SLC5A1: variants seen among roughly 807,000 people sequenced by gnomAD.
SLC5A1 encodes the protein solute carrier family 5 member 1, also known as sodium/glucose cotransporter 1.
Under a neutral mutation model 73.5 loss-of-function variants are expected in SLC5A1, and 42 were observed. The ratio of observed to expected loss-of-function variants is 0.57; its 90% CI spans 0.45 to 0.74. The LOEUF (loss-of-function observed/expected upper bound fraction) is 0.74. Ranked by LOEUF, SLC5A1 falls within the 30% of genes least tolerant of loss-of-function variation. The pLI is 0.00. For synonymous variants in SLC5A1, 300 were observed against 317.4 expected (o/e 0.95, Z 0.58); for missense variants, 634 against 855.4 (o/e 0.74, Z 3.23).
chr22:32,103,069 T>C (rs563429053), intron 13 of SLC5A1, among the ~76,000 whole-genome samples: 2 of 152,328 alleles, frequency 1.3e-5, no homozygotes, highest in East Asian at 3.9e-4. Flanking sequence ...CTGGTTTACT[T>C]TCTTTTGAAT....
chr22:32,076,605 C>T (rs1397603029), intron 5 of SLC5A1, among the ~76,000 whole-genome samples: 3 of 152,188 alleles, frequency 2.0e-5, no homozygotes, highest in South Asian at 2.1e-4. Context: ...TTTGAATGCT[C>T]ATTCCCAGGG....
At chr22:32,064,548 G>T (rs758300591) in intron 2 of SLC5A1, among the ~76,000 whole-genome samples, 12 of 151,740 alleles carry the variant, frequency 7.9e-5, no homozygotes, top group Non-Finnish European at 1.3e-4. Flanking sequence ...TGAGCAGAAG[G>T]AGGTAGATGT....
At position 32,043,597 on chromosome 22, in the gene SLC5A1, C is replaced by T. The variant is rs2093933191; in HGVS notation, c.135+181C>T. On this transcript the variant is annotated intron_variant, in intron 1 of 14. Transcript: ENST00000266088. The surrounding 1 kb of genome is among the most constrained non-coding windows in gnomAD (Gnocchi z 6.5). ...AGGGAGGAGGGCAAGCAAGGATGAG[C>T]AGAAGTGAGAAGGGTGCCCAGGGCA... 6.6e-6 allele frequency among the ~76,000 whole-genome samples: 1 copy of T among 151,994 alleles called. No homozygotes were observed. The highest frequency in any genetic ancestry group is 2.4e-5 in the African/African-American group (1 of 41,388).
At position 32,112,687 on chromosome 22, in the gene SLC5A1, C is replaced by T. The variant is rs1381536622; in HGVS notation, c.*2474C>T. The T allele has an allele frequency of 1.3e-5, 2 of 151,702 alleles. No homozygotes were observed. The highest frequency in any genetic ancestry group is 2.9e-5 in the Non-Finnish European group (2 of 67,914). The allele number at this position is 151,702 out of a possible 1,614,324, so 9.4% of individuals were successfully genotyped here. A position where few individuals can be genotyped will look rare whatever the true frequency, so the allele number is the denominator to read the frequency against. On this transcript the variant is annotated 3_prime_UTR_variant, in exon 15 of 15. Transcript: ENST00000266088. Reference sequence around the variant, plus strand: ...ACTGATATGTAGAATCTTAAAAAGTCAAACTCAGAAGCAGAGAGTAGAATG... The same window carrying T: ...ACTGATATGTAGAATCTTAAAAAGTTAAACTCAGAAGCAGAGAGTAGAATG...
chr22:32,060,150 C>T (rs56241498), intron 2 of SLC5A1, among the ~76,000 whole-genome samples: 5,996 of 29,790 alleles, frequency 0.2, 295 homozygotes, highest in Middle Eastern at 0.26. Context: ...CACATACACA[C>T]ACACACACAC....
intron 2 of SLC5A1, among the ~76,000 whole-genome samples, chr22:32,051,635 GA>G (rs2093945202): frequency 6.6e-6 from 1 of 152,052 alleles, no homozygotes; most frequent in Admixed American, 6.6e-5. Flanking sequence ...CAGCCTGGGG[GA>G]CAGAGTGAGA....
chr22:32,087,105 G>T (rs564487335), intron 10 of SLC5A1, among the ~76,000 whole-genome samples: 83 of 152,214 alleles, frequency 5.5e-4, no homozygotes, highest in Non-Finnish European at 1.1e-3. Context: ...GGTTGGGGTG[G>T]GGATCTGGGA....
intron 2 of SLC5A1, among the ~76,000 whole-genome samples, chr22:32,062,772 C>T (rs1041847490): frequency 9.2e-5 from 14 of 152,080 alleles, no homozygotes; most frequent in Non-Finnish European, 1.3e-4. Flanking sequence ...GCATGATGAA[C>T]GCATTGTTGG....
chr22:32,083,148 G>A lies in SLC5A1; in HGVS notation c.658G>A (p.Gly220Arg). 6.2e-7 allele frequency: 1 copy of A among 1,614,062 alleles called. No homozygotes were observed. Among genetic ancestry groups the A allele is most frequent in the Non-Finnish European group, 8.5e-7 (1 of 1,179,946 alleles). Residue 220 changes from glycine to arginine, a missense_variant, in exon 7 of 15, where the codon GGG becomes AGG. Physicochemically the swap from Gly to Arg is moderately radical, Grantham distance 125 (BLOSUM62 -2). Transcript: ENST00000266088. Reference protein sequence around the residue: ...IMLVGSLILTGFAFHEVGGYD... With the variant: ...IMLVGSLILTRFAFHEVGGYD... ...GCTGGTGGGGTCTTTAATCCTGACT[G>A]GGTTTGGTAAGTGGGGCCAGGGCAG... is the stretch of plus-strand genomic sequence containing the variant.
chr22:32,069,101 G>A lies in SLC5A1; in HGVS notation c.477+501G>A, dbSNP rs1197897296. 2.0e-5 allele frequency among the ~76,000 whole-genome samples: 3 copies of A among 152,148 alleles called. No individual in the cohort carries two copies. The South Asian group carries it at 6.2e-4, about 32-fold the overall frequency. ...CGGCCTTAAAAAAGAAGGAAATGCT[G>A]TCATTTGTTGTGAATATGCTGTCCA... On this transcript the variant is annotated intron_variant, in intron 5 of 14. Transcript: ENST00000266088.
intron 1 of SLC5A1, among the ~76,000 whole-genome samples, chr22:32,048,431 T>C (rs2149482852): frequency 6.6e-6 from 1 of 152,310 alleles, no homozygotes; most frequent in East Asian, 1.9e-4. Flanking sequence ...ATTTTTCTCC[T>C]CATGAACCCT....
chr22:32,091,914 C>A, intron 11 of SLC5A1, 152 bp downstream of exon 11: 1 of 563,818 alleles, frequency 1.8e-6, no homozygotes, highest in Non-Finnish European at 3.0e-6. Flanking sequence ...TGGCATTTAA[C>A]TTTATTTACT....
chr22:32,049,411 T>C (rs2093942233), intron 1 of SLC5A1, among the ~76,000 whole-genome samples: 1 of 94,096 alleles, frequency 1.1e-5, no homozygotes, highest in Admixed American at 1.4e-4. Flanking sequence ...TGATATTTCT[T>C]TTTCTTTTTT....
intron 2 of SLC5A1, among the ~76,000 whole-genome samples, chr22:32,057,603 A>T (rs987314934): frequency 6.6e-6 from 1 of 152,150 alleles, no homozygotes; most frequent in African/African-American, 2.4e-5. Context: ...TGTGATCCTG[A>T]GTGTGCACAT....
At position 32,043,372 on chromosome 22, in the gene SLC5A1, A is replaced by G. The variant is rs1376872330; in HGVS notation, c.91A>G (p.Ile31Val). ...CATTCGCAATGCAGCCGATATCTCC[A>G]TCATCGTTATCTACTTCGTGGTAGT... ...ELIRNAADIS[I>V]IVIYFVVVMA... The change falls in exon 1 of 15, where the codon ATC (isoleucine) becomes GTC (valine). Residue 31 changes from isoleucine (I) to valine (V), a missense_variant. Ile to Val is a conservative substitution (Grantham distance 29). Around this residue, in one of 3 missense-constraint regions of SLC5A1, gnomAD observed 51 missense variants for 50.5 expected, o/e 1.01. Coordinates refer to ENST00000266088, the MANE Select transcript of SLC5A1 (RefSeq NM_000343.4). The surrounding 1 kb of genome is among the most constrained non-coding windows in gnomAD (Gnocchi z 6.5). The G allele has an allele frequency of 6.2e-7, 1 of 1,614,092 alleles. No individual in the cohort carries two copies. The highest frequency in any genetic ancestry group is 2.2e-5 in the East Asian group (1 of 44,880).
chr22:32,073,684 G>A (rs987956602), intron 5 of SLC5A1, among the ~76,000 whole-genome samples: 1 of 152,050 alleles, frequency 6.6e-6, no homozygotes, highest in Admixed American at 6.5e-5. Context: ...AGCCTCCTGA[G>A]TAGCTGGGAT....
intron 5 of SLC5A1, among the ~76,000 whole-genome samples, chr22:32,081,124 G>C (rs1169910081): frequency 1.3e-5 from 2 of 152,126 alleles, no homozygotes; most frequent in African/African-American, 4.8e-5. Context: ...ATGAGCAACT[G>C]CACCATCCAG....
Position 32,050,003 on chromosome 22 carries a change from G to T in SLC5A1, c.196G>T (p.Val66Leu). 2 of 1,613,996 alleles carry T rather than the reference G, an allele frequency of 1.2e-6. No homozygotes were observed. Among genetic ancestry groups the T allele is most frequent in the Non-Finnish European group, 1.7e-6 (2 of 1,179,872 alleles). ...GGFFLAGRSMVWWPIGASLFA... is the reference protein window; with the variant it reads ...GGFFLAGRSMLWWPIGASLFA... Reference sequence around the variant, plus strand: ...CTTCTTCCTGGCAGGCCGAAGTATGGTGTGGTGGCCGGTAAGTTTTCTCTG... The same window carrying T: ...CTTCTTCCTGGCAGGCCGAAGTATGTTGTGGTGGCCGGTAAGTTTTCTCTG... The change falls in exon 2 of 15, where the codon GTG becomes TTG. Residue 66 changes from valine to leucine, a missense_variant. Around this residue, in one of 3 missense-constraint regions of SLC5A1, gnomAD observed 422 missense variants for 626.1 expected, o/e 0.67. Coordinates refer to ENST00000266088, the MANE Select transcript of SLC5A1 (RefSeq NM_000343.4).
Position 32,060,180 on chromosome 22 carries a change from CACACACATAT to C in SLC5A1, c.208-6753_208-6744del, listed in dbSNP as rs1459707299. 1.9e-4 allele frequency among the ~76,000 whole-genome samples: 22 copies of C among 118,382 alleles called. 1 individual carries two copies. Among genetic ancestry groups the C allele is most frequent in the Non-Finnish European group, 2.9e-4 (16 of 54,328 alleles). 77.7% of individuals were successfully genotyped at this position (118,382 alleles called of 152,430 possible). On this transcript the variant is annotated intron_variant, in intron 2 of 14. Transcript: ENST00000266088. ...ACACACACACACACACACACACACA[CACACACATAT>C]ATATATATATTTTTTTAAGAGATGG...
Sources: allele counts gnomAD v4.1 joint callset (sites outside exome capture counted in the v4.1 genomes callset), GRCh38; gene constraint gnomAD v4.1.1; regional missense constraint gnomAD v4.1.1; non-coding constraint Gnocchi (gnomAD v3.1); transcripts MANE v1.5; gene names NCBI Gene and HGNC (gene_info 2026-07-23, HGNC 2026-07-21).